Variants in TULP4 observed in about 807,000 individuals in gnomAD.
The protein encoded by TULP4 is TUB like protein 4.
Under a neutral mutation model 129.0 loss-of-function variants are expected in TULP4, and 16 were observed. That is an observed-to-expected ratio of 0.12 (90% CI 0.08 to 0.19). TULP4 has a LOEUF of 0.19. Ranked by LOEUF, TULP4 falls within the 10% of genes least tolerant of loss-of-function variation. The pLI is 1.00. For missense variants in TULP4, 1,842 were observed against 2,059.1 expected (o/e 0.89, Z 2.04); for synonymous variants, 998 against 854.0 (o/e 1.17, Z -2.94).
At chr6:158,307,454 T>A (rs1369932389) in intron 1 of TULP4, among the ~76,000 whole-genome samples, 1 of 152,244 alleles carries the variant, frequency 6.6e-6, no homozygotes, top group African/African-American at 2.4e-5. Context: ...TTGGTTACAT[T>A]AAAATTCATT....
rs552939691 is a variant in TULP4 at position 158,421,382 on chromosome 6, A to G, written c.381+8189A>G. 2.1e-4 allele frequency among the ~76,000 whole-genome samples: 30 copies of G among 142,950 alleles called. 1 individual carries two copies. The East Asian group carries it at 4.5e-3, about 21-fold the overall frequency. The allele number at this position is 142,950 out of a possible 152,430, so 93.8% of individuals were successfully genotyped here. ...GTCTCAAAAAAAAAAAAAGAAATAC[A>G]TTGGTTTGGTCCAGAAAGGCAGAAC... On this transcript the variant is annotated intron_variant, in intron 2 of 13. Coordinates refer to ENST00000367097, the MANE Select transcript of TULP4 (RefSeq NM_020245.5).
At position 158,236,795 on chromosome 6, in the gene TULP4, C is replaced by CTTTTCTTTTTTTTTTT. The variant is rs1554272522; in HGVS notation, n.68+4496_68+4497insCTTTTTTTTTTTTTTT. The stretch of plus-strand genomic sequence containing the variant: ...AGATGGGTAAATGCCCAATTCTTTT[C>CTTTTCTTTTTTTTTTT]TTTTTTTTTTTTTTTTTTTTTTTTT... On this transcript the variant is annotated intron_variant and non_coding_transcript_variant, in intron 1 of 1. Transcript: ENST00000620026. Among the ~76,000 whole-genome samples, 46 of 63,306 alleles carry CTTTTCTTTTTTTTTTT rather than the reference C, an allele frequency of 7.3e-4. 2 individuals are homozygous for CTTTTCTTTTTTTTTTT. Among genetic ancestry groups the CTTTTCTTTTTTTTTTT allele is most frequent in the African/African-American group, 1.3e-3 (18 of 13,918 alleles). The allele number at this position is 63,306 out of a possible 152,430, so 41.5% of individuals were successfully genotyped here.
At chr6:158,286,162 T>G (rs911736753) in intron 1 of TULP4, among the ~76,000 whole-genome samples, 3 of 152,270 alleles carry the variant, frequency 2.0e-5, no homozygotes, top group Non-Finnish European at 2.9e-5. Context: ...AATTCAGTTT[T>G]TTTTGGAAAG....
At chr6:158,393,129 C>T (rs191694537) in intron 1 of TULP4, among the ~76,000 whole-genome samples, 11 of 152,162 alleles carry the variant, frequency 7.2e-5, no homozygotes, top group African/African-American at 1.2e-4. Flanking sequence ...TGAAACCCAG[C>T]AGAACAGCCA....
chr6:158,280,700 G>A (rs1273262637), upstream of TULP4, among the ~76,000 whole-genome samples: 1 of 152,214 alleles, frequency 6.6e-6, no homozygotes, highest in Non-Finnish European at 1.5e-5. Context: ...TGTATTTGAG[G>A]ACCCATGCAG....
chr6:158,413,212 T>C lies in TULP4; in HGVS notation c.381+19T>C. 1 of 1,603,604 alleles carries C rather than the reference T, an allele frequency of 6.2e-7. No homozygotes were observed. The highest frequency in any genetic ancestry group is 8.5e-7 in the Non-Finnish European group (1 of 1,172,584). ...GGCGCAGGTGAGTGGCAGGCGCAGC[T>C]CTGCCAGTGAAGGGCTGCGGGGTAG... On this transcript the variant is annotated intron_variant, in intron 2 of 13. Coordinates refer to ENST00000367097, the MANE Select transcript of TULP4 (RefSeq NM_020245.5). The surrounding 1 kb of genome is among the most constrained non-coding windows in gnomAD (Gnocchi z 4.9).
rs557678837 is a variant in TULP4, at chr6:158,427,471, C to CTTTTTTT, written c.382-2230_382-2224dup. On this transcript the variant is annotated intron_variant, in intron 2 of 13. Transcript: ENST00000367097. The stretch of plus-strand genomic sequence containing the variant: ...AAATTCCTTTTCAAAATTATCAGAC[C>CTTTTTTT]TTTTTTTTTTTTTTTTTTTTTTTTT... Among the ~76,000 whole-genome samples the CTTTTTTT allele has an allele frequency of 3.7e-3, 276 of 74,134 alleles. 50 individuals carry two copies. The highest frequency in any genetic ancestry group is 8.8e-3 in the Middle Eastern group (1 of 114). The allele number at this position is 74,134 out of a possible 152,430, so 48.6% of individuals were successfully genotyped here.
Position 158,452,126 on chromosome 6 carries a change from T to G in TULP4, c.725-8T>G. On this transcript the variant is annotated splice_polypyrimidine_tract_variant and splice_region_variant and intron_variant, in intron 4 of 13. Transcript: ENST00000367097. ...CCTCCTTTTCACTTGGCACTTGTGTTCCTGCAGATGGTCCGGCAGCATATC... is the reference window on the plus strand; with the variant it reads ...CCTCCTTTTCACTTGGCACTTGTGTGCCTGCAGATGGTCCGGCAGCATATC... The G allele has an allele frequency of 6.2e-7, 1 of 1,613,288 alleles. No homozygotes were observed. Among genetic ancestry groups the G allele is most frequent in the Non-Finnish European group, 8.5e-7 (1 of 1,179,594 alleles).
In TULP4 at chr6:158,413,705, T is replaced by C. The variant is rs1778145834; in HGVS notation, c.381+512T>C. On this transcript the variant is annotated intron_variant, in intron 2 of 13. Coordinates refer to ENST00000367097, the MANE Select transcript of TULP4 (RefSeq NM_020245.5). The surrounding 1 kb of genome is among the most constrained non-coding windows in gnomAD (Gnocchi z 4.9). ...CCTTTCTGACACAGTTTGTCTCTGC[T>C]CTCAGGAAACAGTTGCACCCAGGAC... Among the ~76,000 whole-genome samples the C allele has an allele frequency of 6.7e-6, 1 of 148,326 alleles. No homozygotes were observed. Among genetic ancestry groups the C allele is most frequent in the African/African-American group, 2.4e-5 (1 of 41,200 alleles).
chr6:158,240,221 AC>A (rs1229269923), intron 1 of TULP4, among the ~76,000 whole-genome samples: 27 of 36,250 alleles, frequency 7.4e-4, no homozygotes, highest in Non-Finnish European at 1.2e-3. Context: ...CGGGGGGCTG[AC>A]CCCCCCACCT....
At chr6:158,501,313 T>A (rs545134924) in intron 12 of TULP4, among the ~76,000 whole-genome samples, 8 of 152,326 alleles carry the variant, frequency 5.3e-5, no homozygotes, top group African/African-American at 1.7e-4. Flanking sequence ...TCCTGTACCA[T>A]TGCCCTCTTC....
chr6:158,348,065 A>G (rs1780353673), intron 1 of TULP4, among the ~76,000 whole-genome samples: 1 of 149,564 alleles, frequency 6.7e-6, no homozygotes, highest in East Asian at 2.0e-4. Flanking sequence ...GAGATTCTGT[A>G]TTTCTAGCAA....
At chr6:158,467,283 T>C (rs1779575275) in intron 6 of TULP4, among the ~76,000 whole-genome samples, 2 of 53,438 alleles carry the variant, frequency 3.7e-5, no homozygotes, top group East Asian at 4.8e-4. Flanking sequence ...CTTTCTTTTT[T>C]TTTTTTTTTT....
In TULP4 at chr6:158,415,273, A is replaced by G. The variant is rs896411443; in HGVS notation, c.381+2080A>G. On this transcript the variant is annotated intron_variant, in intron 2 of 13. Coordinates refer to ENST00000367097, the MANE Select transcript of TULP4 (RefSeq NM_020245.5). ...ATAGCACATGCCATTAGTACAGTCC[A>G]TAATGCTTGATAATAACAAATGACT... Among the ~76,000 whole-genome samples, 6 of 152,268 alleles carry G rather than the reference A, an allele frequency of 3.9e-5. 1 individual carries two copies. Among genetic ancestry groups the G allele is most frequent in the South Asian group, 4.1e-4 (2 of 4,822 alleles).
chr6:158,378,463 GTT>G (rs61250704), intron 1 of TULP4, among the ~76,000 whole-genome samples: 3 of 53,642 alleles, frequency 5.6e-5, no homozygotes, highest in Admixed American at 3.0e-4. Flanking sequence ...GGGGGAGCCA[GTT>G]TTTTTTTTTT....
At chr6:158,292,981 A>T (rs181015593) in intron 1 of TULP4, among the ~76,000 whole-genome samples, 86 of 152,278 alleles carry the variant, frequency 5.6e-4, no homozygotes, top group Non-Finnish European at 1.0e-3. Context: ...CTGACTTTTG[A>T]TACTGGTGAG....
intron 2 of TULP4, among the ~76,000 whole-genome samples, chr6:158,422,839 A>G (rs1048970010): frequency 1.3e-5 from 2 of 152,352 alleles, no homozygotes; most frequent in East Asian, 3.9e-4. Flanking sequence ...CAAATGCAGG[A>G]CGCCAAGGAT....
At chr6:158,471,126 G>A (rs1446361490) in intron 6 of TULP4, among the ~76,000 whole-genome samples, 1 of 152,230 alleles carries the variant, frequency 6.6e-6, no homozygotes, top group Admixed American at 6.5e-5. Flanking sequence ...AAAGGAAGGA[G>A]AGATTGTAGA....
chr6:158,330,430 C>T (rs570160209), intron 1 of TULP4, among the ~76,000 whole-genome samples: 5 of 152,350 alleles, frequency 3.3e-5, no homozygotes, highest in African/African-American at 1.2e-4. Flanking sequence ...TCAAATTCAG[C>T]TATGAACATT....
Sources: allele counts gnomAD v4.1 joint callset (sites outside exome capture counted in the v4.1 genomes callset), GRCh38; gene constraint gnomAD v4.1.1; non-coding constraint Gnocchi (gnomAD v3.1); transcripts MANE v1.5; gene names NCBI Gene and HGNC (gene_info 2026-07-23, HGNC 2026-07-21).